The following SPAG9 variants were observed in gnomAD, a reference collection of about 807,000 sequenced individuals.
SPAG9 encodes C-Jun-amino-terminal kinase-interacting protein 4.
SPAG9 carries 35 observed loss-of-function variants against 166.5 expected under a neutral mutation model. The observed-to-expected ratio is 0.21, with a 90% CI of 0.16 to 0.28. The LOEUF is 0.28. Among genes scored for constraint, SPAG9 ranks in the 10% least tolerant of loss-of-function variants. The probability of loss-of-function intolerance (pLI) is 1.00; values close to 1 mark genes in which losing one functional copy is unlikely to be tolerated. For synonymous variants in SPAG9, 534 were observed against 565.5 expected, an observed-to-expected ratio of 0.94 and a Z score of 0.79; for missense variants, 1,235 against 1,603.3, an observed-to-expected ratio of 0.77 and a Z score of 3.92.
chr17:50,971,562 G>A (rs949954232), intron 28 of SPAG9, among the ~76,000 whole-genome samples: 1 of 148,600 alleles, frequency 6.7e-6, no homozygotes, highest in African/African-American at 2.5e-5. Flanking sequence ...CCGCCTCCCG[G>A]GTTCAAGCGA....
chr17:51,085,160 T>C (rs1184062231), intron 1 of SPAG9: 1 of 152,228 alleles, frequency 6.6e-6, no homozygotes, highest in African/African-American at 2.4e-5. Context: ...GAAATTCTTA[T>C]CTTAGGCACC....
rs1468552010 is a variant in SPAG9 at position 51,037,685 on chromosome 17, AGTGTGTGTGTGTG to A, written c.741+3803_741+3815del. 1.5e-3 allele frequency among the ~76,000 whole-genome samples: 125 copies of A among 83,508 alleles called. 2 individuals carry two copies. The highest frequency in any genetic ancestry group is 4.7e-3 in the African/African-American group (121 of 25,564). The allele number at this position is 83,508 out of a possible 152,430, so 54.8% of individuals were successfully genotyped here. The stretch of plus-strand genomic sequence containing the variant: ...GTGTTTTATATATATATATATATAT[AGTGTGTGTGTGTG>A]TGTGTGTGTGTGTGTGTGTGTGTAT... On this transcript the variant is annotated intron_variant, in intron 5 of 29. Coordinates refer to ENST00000262013, the MANE Select transcript of SPAG9 (RefSeq NM_001130528.3).
At chr17:51,097,623 C>A (rs2048682816) in intron 1 of SPAG9, among the ~76,000 whole-genome samples, 1 of 151,854 alleles carries the variant, frequency 6.6e-6, no homozygotes, top group Admixed American at 6.6e-5. Flanking sequence ...GTAAAATAAC[C>A]TGAGGCTTGA....
chr17:51,041,790 A>G (rs1437712212), intron 4 of SPAG9, 139 bp from the exon 5 acceptor site: 4 of 768,214 alleles, frequency 5.2e-6, no homozygotes, highest in Non-Finnish European at 8.3e-6. Flanking sequence ...TCTGAATAAA[A>G]CAGACTTACC....
rs190585422 is a variant in SPAG9, at chr17:50,963,009, C to G, written c.*3263G>C. Reference sequence around the variant, plus strand: ...GAAAAATACTCTCAAAAGTGAGTTCCTAGAGAATATTATCCCTTTGCCTCA... The same window carrying G: ...GAAAAATACTCTCAAAAGTGAGTTCGTAGAGAATATTATCCCTTTGCCTCA... On this transcript the variant is annotated 3_prime_UTR_variant, in exon 30 of 30. Transcript: ENST00000262013. The G allele has an allele frequency of 3.3e-5, 5 of 152,270 alleles. No homozygotes were observed. The East Asian group carries it at 9.6e-4, about 29-fold the overall frequency. 9.4% of individuals were successfully genotyped at this position (152,270 alleles called of 1,614,324 possible). A position where few individuals can be genotyped will look rare whatever the true frequency, so the allele number is the denominator to read the frequency against.
At chr17:51,104,223 CAGAG>C (rs753902140) in intron 1 of SPAG9, among the ~76,000 whole-genome samples, 12 of 152,148 alleles carry the variant, frequency 7.9e-5, no homozygotes, top group Non-Finnish European at 1.6e-4. Context: ...TCTGAAACTC[CAGAG>C]AGAGATCTGG....
chr17:51,015,851 G>A (rs1479611457), intron 8 of SPAG9, among the ~76,000 whole-genome samples: 3 of 152,036 alleles, frequency 2.0e-5, no homozygotes, highest in East Asian at 1.9e-4. Context: ...GTTCCAGAAC[G>A]AGAGCAGAAG....
chr17:51,108,725 G>A (rs1317426504), intron 1 of SPAG9, among the ~76,000 whole-genome samples: 2 of 151,992 alleles, frequency 1.3e-5, no homozygotes, highest in African/African-American at 2.4e-5. Flanking sequence ...TGGAACTCTG[G>A]GGCTCAAGCT....
chr17:50,968,656 G>T (rs754053217), intron 29 of SPAG9, among the ~76,000 whole-genome samples: 1 of 152,036 alleles, frequency 6.6e-6, no homozygotes, highest in Non-Finnish European at 1.5e-5. Context: ...GCTTGAAACC[G>T]GGAGGTGGAG....
chr17:50,971,454 A>G (rs1307871488), intron 28 of SPAG9, among the ~76,000 whole-genome samples: 1 of 147,820 alleles, frequency 6.8e-6, no homozygotes, highest in Non-Finnish European at 1.5e-5. Flanking sequence ...CCTGCTTCAA[A>G]CTACCTTTTT....
intron 5 of SPAG9, among the ~76,000 whole-genome samples, chr17:51,039,808 C>T (rs1298394391): frequency 6.6e-6 from 1 of 151,956 alleles, no homozygotes. Flanking sequence ...TTTTTTTGTA[C>T]TAAAAGTATC....
intron 1 of SPAG9, among the ~76,000 whole-genome samples, chr17:51,084,693 G>C (rs998050305): frequency 2.0e-5 from 3 of 152,118 alleles, no homozygotes; most frequent in African/African-American, 7.2e-5. Context: ...ACAGGTGTGA[G>C]TCACTGCACC....
At chr17:51,106,274 G>A (rs939904819) in intron 1 of SPAG9, among the ~76,000 whole-genome samples, 1 of 152,058 alleles carries the variant, frequency 6.6e-6, no homozygotes, top group Non-Finnish European at 1.5e-5. Flanking sequence ...CTGCACACCA[G>A]CCTGGGTGAC....
chr17:50,971,127 AT>A (rs1289656598), intron 28 of SPAG9, among the ~76,000 whole-genome samples: 2 of 152,064 alleles, frequency 1.3e-5, no homozygotes, highest in Non-Finnish European at 2.9e-5. Context: ...AGCCTGGCAA[AT>A]ATAGTAAGGC....
chr17:50,972,560 C>A (rs1176981317), intron 28 of SPAG9, among the ~76,000 whole-genome samples: 1 of 152,336 alleles, frequency 6.6e-6, no homozygotes, highest in Non-Finnish European at 1.5e-5. Flanking sequence ...TCTAAGCCAA[C>A]CCTCTTAGCA....
At chr17:51,031,577 C>T (rs1373554961) in intron 6 of SPAG9, 104 bp downstream of exon 6, 1 of 853,692 alleles carries the variant, frequency 1.2e-6, no homozygotes, top group Non-Finnish European at 1.9e-6. Flanking sequence ...CAATAGTCTT[C>T]CAAGCTGAGC....
At chr17:50,989,071 G>A (rs1398280822) in intron 21 of SPAG9, among the ~76,000 whole-genome samples, 1 of 152,040 alleles carries the variant, frequency 6.6e-6, no homozygotes, top group African/African-American at 2.4e-5. Flanking sequence ...CAGATCAGAG[G>A]AGAAAATGAA....
At chr17:51,089,651 T>TATATAC (rs2048405967) in intron 1 of SPAG9, among the ~76,000 whole-genome samples, 1 of 100,770 alleles carries the variant, frequency 9.9e-6, no homozygotes. Context: ...TATATATATA[T>TATATAC]ATATATATAT....
chr17:50,985,093 T>A, intron 23 of SPAG9, 103 bp from the exon 24 acceptor site: 1 of 907,804 alleles, frequency 1.1e-6, no homozygotes. Flanking sequence ...CAATCTGTGA[T>A]GAGTTAAGGA....
Sources: allele counts gnomAD v4.1 joint callset (sites outside exome capture counted in the v4.1 genomes callset), GRCh38; gene constraint gnomAD v4.1.1; transcripts MANE v1.5; gene names NCBI Gene and HGNC (gene_info 2026-07-23, HGNC 2026-07-21).